Variants in IQGAP1 observed in about 807,000 individuals in gnomAD.
IQGAP1 encodes the protein ras GTPase-activating-like protein IQGAP1.
A neutral mutation model predicts 215.6 loss-of-function variants in IQGAP1; 66 were observed. The observed-to-expected ratio is 0.31, with a 90% CI of 0.25 to 0.38. IQGAP1 has a LOEUF of 0.38. IQGAP1 is among the 10% of genes least tolerant of loss of function. The pLI is 1.00. For synonymous variants in IQGAP1, 772 were observed against 728.7 expected (o/e 1.06, Z -0.96); for missense variants, 1,712 against 1,997.1 (o/e 0.86, Z 2.72).
At chr15:90,413,634 AAG>A (rs764890218) in intron 2 of IQGAP1, among the ~76,000 whole-genome samples, 120 of 152,288 alleles carry the variant, frequency 7.9e-4, no homozygotes, top group African/African-American at 2.8e-3. Context: ...TTAGGTTGAA[AAG>A]AGAGCTGGAA....
intron 5 of IQGAP1, among the ~76,000 whole-genome samples, chr15:90,434,851 A>G (rs1467395322): frequency 6.6e-6 from 1 of 152,172 alleles, no homozygotes; most frequent in Non-Finnish European, 1.5e-5. Flanking sequence ...GATTTGGTAT[A>G]CTCAACCTGT....
chr15:90,395,487 ATT>A (rs1262253542), intron 2 of IQGAP1, among the ~76,000 whole-genome samples: 6 of 151,810 alleles, frequency 4.0e-5, no homozygotes, highest in Non-Finnish European at 8.8e-5. Context: ...CGCCTGGCTA[ATT>A]TTTTGTATTT....
Position 90,441,509 on chromosome 15 carries a change from ATGCTGCTGTTATTGCTAT to A in IQGAP1, c.655_672del (p.Ala219_Ile224del). 1 of 1,610,030 alleles carries A rather than the reference ATGCTGCTGTTATTGCTAT, an allele frequency of 6.2e-7. No individual in the cohort carries two copies. The highest frequency in any genetic ancestry group is 8.5e-7 in the Non-Finnish European group (1 of 1,178,436). On this transcript the variant is annotated inframe_deletion, in exon 8 of 38. Transcript: ENST00000268182. ...GTTTTTTTGTTTTTTTTTTTAGTACATGCTGCTGTTATTGCTATTAATGAAGCTATTGACCGTAGAATT... is the reference window on the plus strand; with the variant it reads ...GTTTTTTTGTTTTTTTTTTTAGTACATAATGAAGCTATTGACCGTAGAATT...
chr15:90,497,064 C>T (rs576778016), intron 36 of IQGAP1, 168 bp from the exon 37 acceptor site: 7 of 546,432 alleles, frequency 1.3e-5, no homozygotes, highest in African/African-American at 1.2e-4. Flanking sequence ...GCAGATGGTA[C>T]TTGGGCTTGG....
At chr15:90,403,376 C>G (rs936640628) in intron 2 of IQGAP1, among the ~76,000 whole-genome samples, 7 of 151,986 alleles carry the variant, frequency 4.6e-5, no homozygotes, top group Non-Finnish European at 1.5e-5. Context: ...TTGAGAATCC[C>G]CATAGGAATG....
intron 22 of IQGAP1, 139 bp downstream of exon 22, chr15:90,474,272 G>A (rs1965947895): frequency 6.1e-6 from 5 of 815,588 alleles, no homozygotes; most frequent in African/African-American, 1.7e-5. Context: ...AAGCCCCTTT[G>A]CTAACATGTG....
intron 1 of IQGAP1, among the ~76,000 whole-genome samples, chr15:90,389,812 C>G (rs572282293): frequency 6.6e-5 from 10 of 151,382 alleles, no homozygotes; most frequent in African/African-American, 9.7e-5. Flanking sequence ...AAAAAATTAG[C>G]CAGGCGTGGT....
chr15:90,482,072 G>C lies in IQGAP1; in HGVS notation c.3442G>C (p.Ala1148Pro), dbSNP rs1567140955. The C allele has an allele frequency of 3.7e-6, 6 of 1,614,240 alleles. No homozygotes were observed. The highest frequency in any genetic ancestry group is 5.1e-6 in the Non-Finnish European group (6 of 1,180,042). The change falls in exon 27 of 38, where the codon GCC becomes CCC. Residue 1148 changes from alanine to proline, a missense_variant. Transcript: ENST00000268182. ...MRAVTDKFLS[A>P]IVSSVDKIPY... ...GGCTGTGACAGACAAGTTTCTCTCA[G>C]CCATTGTCAGCTCTGTGGACAAAAT...
chr15:90,443,536 G>A, intron 9 of IQGAP1, 58 bp downstream of exon 9: 1 of 1,014,474 alleles, frequency 9.9e-7, no homozygotes, highest in Non-Finnish European at 1.5e-6. Context: ...TGTGAATGTT[G>A]ATCTATTCTG....
chr15:90,470,562 A>G (rs957307822), intron 18 of IQGAP1, among the ~76,000 whole-genome samples: 1 of 152,098 alleles, frequency 6.6e-6, no homozygotes, highest in African/African-American at 2.4e-5. Context: ...TGAAAAAATA[A>G]TAATACAAAA....
intron 15 of IQGAP1, among the ~76,000 whole-genome samples, chr15:90,459,511 T>C (rs1313166971): frequency 6.6e-6 from 1 of 152,198 alleles, no homozygotes; most frequent in Non-Finnish European, 1.5e-5. Flanking sequence ...GTCATCGGAG[T>C]AAAACTTTTT....
Position 90,428,015 on chromosome 15 carries a change from A to C in IQGAP1, c.313-1574A>C, listed in dbSNP as rs574298302. Among the ~76,000 whole-genome samples the C allele has an allele frequency of 6.6e-5, 10 of 152,246 alleles. No individual in the cohort carries two copies. In the East Asian group the frequency reaches 1.7e-3, roughly 26 times the overall value. On this transcript the variant is annotated intron_variant, in intron 3 of 37. Coordinates refer to ENST00000268182, the MANE Select transcript of IQGAP1 (RefSeq NM_003870.4). ...GCCAAAATTAACATCATAAACAGAA[A>C]CTTTCCTTAAACAAAAAGACTTATA...
chr15:90,484,802 C>T (rs535179560), intron 30 of IQGAP1, among the ~76,000 whole-genome samples: 12 of 152,196 alleles, frequency 7.9e-5, no homozygotes, highest in Non-Finnish European at 1.5e-5. Flanking sequence ...AGCCACCACG[C>T]CTGGCCTTTT....
intron 5 of IQGAP1, among the ~76,000 whole-genome samples, chr15:90,435,085 A>T (rs1246116622): frequency 2.6e-5 from 4 of 152,168 alleles, no homozygotes; most frequent in African/African-American, 9.7e-5. Flanking sequence ...CATGTACTAG[A>T]TCTGTGGTAT....
chr15:90,389,322 G>C (rs1964600439), intron 1 of IQGAP1, among the ~76,000 whole-genome samples: 1 of 150,666 alleles, frequency 6.6e-6, no homozygotes, highest in Non-Finnish European at 1.5e-5. Flanking sequence ...GGGGAAGACA[G>C]TATGAGCACG....
chr15:90,439,438 T>C (rs1965417764), intron 6 of IQGAP1, 39 bp downstream of exon 6: 7 of 1,545,374 alleles, frequency 4.5e-6, no homozygotes, highest in Non-Finnish European at 6.3e-6. Context: ...GCTTGAATTA[T>C]GTGGAAATAG....
At chr15:90,426,930 G>T (rs1189260891) in intron 3 of IQGAP1, among the ~76,000 whole-genome samples, 1 of 149,822 alleles carries the variant, frequency 6.7e-6, no homozygotes, top group Non-Finnish European at 1.5e-5. Context: ...TCCAGCCCTG[G>T]GTGTCAGAGT....
intron 2 of IQGAP1, among the ~76,000 whole-genome samples, chr15:90,394,135 CAA>C (rs56810085): frequency 0.017 from 1,243 of 74,274 alleles, 11 homozygotes; most frequent in East Asian, 0.093. Context: ...AACTCTGTCT[CAA>C]AAAAAAAAAA....
chr15:90,454,367 G>T, intron 13 of IQGAP1, 61 bp from the exon 14 acceptor site: 1 of 1,601,422 alleles, frequency 6.2e-7, no homozygotes, highest in Non-Finnish European at 8.5e-7. Context: ...AGCAATCTTT[G>T]TTCCTTGAAT....
Sources: allele counts gnomAD v4.1 joint callset (sites outside exome capture counted in the v4.1 genomes callset), GRCh38; gene constraint gnomAD v4.1.1; transcripts MANE v1.5; gene names NCBI Gene and HGNC (gene_info 2026-07-23, HGNC 2026-07-21).